Variants in COBL observed in about 807,000 individuals in gnomAD.
COBL encodes protein cordon-bleu.
A neutral mutation model predicts 98.8 loss-of-function variants in COBL; 51 were observed. The ratio of observed to expected loss-of-function variants is 0.52; its 90% CI spans 0.41 to 0.65. COBL has a LOEUF of 0.65. Among genes scored for constraint, COBL ranks in the 30% least tolerant of loss-of-function variants. The probability of loss-of-function intolerance (pLI) is 0.00; values close to 1 mark genes in which losing one functional copy is unlikely to be tolerated. For missense variants in COBL, 1,617 were observed against 1,617.5 expected, an observed-to-expected ratio of 1.00 and a Z score of 0.01; for synonymous variants, 634 against 651.7, an observed-to-expected ratio of 0.97 and a Z score of 0.41.
intron 12 of COBL, 121 bp from the exon 13 acceptor site, chr7:51,017,689 C>T (rs1786407884): frequency 4.8e-6 from 5 of 1,046,082 alleles, no homozygotes; most frequent in Non-Finnish European, 7.4e-6. Flanking sequence ...AACCCCCTTC[C>T]CAGTTCCTTT....
At chr7:51,189,975 C>CT (rs1389101730) in intron 4 of COBL, among the ~76,000 whole-genome samples, 1 of 152,182 alleles carries the variant, frequency 6.6e-6, no homozygotes, top group Non-Finnish European at 1.5e-5. Context: ...ACCAGTGGCT[C>CT]TAACTGTGGC....
intron 5 of COBL, among the ~76,000 whole-genome samples, chr7:51,170,367 T>C (rs1359836809): frequency 6.6e-6 from 1 of 151,792 alleles, no homozygotes; most frequent in African/African-American, 2.4e-5. Context: ...TTACTGTAAT[T>C]ATAAAGGTGC....
chr7:51,253,847 G>A, intron 1 of COBL, among the ~76,000 whole-genome samples: 1 of 152,104 alleles, frequency 6.6e-6, no homozygotes, highest in South Asian at 2.1e-4. Context: ...CTTTATTCTG[G>A]GCAGTTGTGT....
chr7:51,240,488 T>C (rs1408396909), intron 1 of COBL, among the ~76,000 whole-genome samples: 1 of 152,252 alleles, frequency 6.6e-6, no homozygotes, highest in Non-Finnish European at 1.5e-5. Flanking sequence ...AACAAAAGCA[T>C]CTATGATCAG....
At chr7:51,251,527 C>G (rs1796724722) in intron 1 of COBL, among the ~76,000 whole-genome samples, 1 of 152,190 alleles carries the variant, frequency 6.6e-6, no homozygotes, top group Non-Finnish European at 1.5e-5. Flanking sequence ...TTTAGATTTG[C>G]TTAGAATTTA....
chr7:51,086,419 G>A lies in COBL; in HGVS notation c.958-1115C>T, dbSNP rs34239587. ...TGGTGACTATCATATGACAAGAGCT[G>A]TCCTGCTCTCTAGTAGCTCAGAGCC... On this transcript the variant is annotated intron_variant, in intron 6 of 12. Coordinates refer to ENST00000265136, the MANE Select transcript of COBL (RefSeq NM_015198.5). 9.2e-3 allele frequency among the ~76,000 whole-genome samples: 1,360 copies of A among 147,976 alleles called. 9 individuals carry two copies. The highest frequency in any genetic ancestry group is 0.015 in the Non-Finnish European group (1,005 of 67,204).
chr7:51,182,319 T>A (rs1440233331), intron 5 of COBL, among the ~76,000 whole-genome samples: 7 of 151,288 alleles, frequency 4.6e-5, no homozygotes, highest in Admixed American at 4.6e-4. Context: ...TCTCGCTCTG[T>A]CGCCCAGGCT....
chr7:51,193,078 A>C (rs1013469539), intron 3 of COBL, among the ~76,000 whole-genome samples: 29 of 152,366 alleles, frequency 1.9e-4, no homozygotes, highest in Admixed American at 3.3e-4. Context: ...CATATAAGAA[A>C]GTACAGAATT....
intron 1 of COBL, among the ~76,000 whole-genome samples, chr7:51,315,635 T>TC (rs34419024): frequency 0.33 from 50,778 of 152,040 alleles, 9,766 homozygotes; most frequent in South Asian, 0.45. Context: ...AGTTCGAAGG[T>TC]CCCCGGCGCG....
In COBL at chr7:51,029,052, C is replaced by G. The variant is rs754067283; in HGVS notation, c.2044G>C (p.Ala682Pro). The change falls in exon 10 of 13, where the codon GCC (alanine) becomes CCC (proline). Residue 682 changes from alanine (A) to proline (P), a missense_variant. By Grantham distance (27) the Ala-to-Pro change is conservative (BLOSUM62 -1). Around this residue, in one of 3 missense-constraint regions of COBL, gnomAD observed 1,304 missense variants for 1,282.0 expected, o/e 1.02. Transcript: ENST00000265136. ...NEKDSNDKNAALAPTSWHQRG... is the reference protein window; with the variant it reads ...NEKDSNDKNAPLAPTSWHQRG... ...TGGTGCCATGATGTTGGTGCCAAGG[C>G]AGCGTTTTTATCGTTGCTGTCCTTT... 34 of 1,614,072 alleles carry G rather than the reference C, an allele frequency of 2.1e-5. No homozygotes were observed. The East Asian group carries it at 4.0e-4, about 19-fold the overall frequency.
intron 5 of COBL, among the ~76,000 whole-genome samples, chr7:51,158,242 T>C (rs1311375266): frequency 6.6e-6 from 1 of 152,264 alleles, no homozygotes. Context: ...GTTTATTTTA[T>C]TTATTTTACT....
intron 5 of COBL, among the ~76,000 whole-genome samples, chr7:51,149,728 T>C (rs1450233695): frequency 6.6e-6 from 1 of 152,132 alleles, no homozygotes; most frequent in African/African-American, 2.4e-5. Context: ...TGCCTCAGCC[T>C]CTGAGTAGCT....
chr7:51,190,129 A>G (rs1394066588), intron 4 of COBL, among the ~76,000 whole-genome samples: 1 of 152,278 alleles, frequency 6.6e-6, no homozygotes, highest in East Asian at 1.9e-4. Flanking sequence ...CAGCTAAATG[A>G]ATTTCTGCCA....
At chr7:51,263,219 G>C (rs1374570948) in intron 1 of COBL, among the ~76,000 whole-genome samples, 1 of 152,104 alleles carries the variant, frequency 6.6e-6, no homozygotes, top group Non-Finnish European at 1.5e-5. Context: ...ACTGCACTGG[G>C]GAAAGGTGCA....
intron 5 of COBL, among the ~76,000 whole-genome samples, chr7:51,138,433 A>T (rs1799436554): frequency 6.6e-6 from 1 of 152,230 alleles, no homozygotes; most frequent in African/African-American, 2.4e-5. Context: ...AAGCACAGGA[A>T]GCAAACCAGA....
At chr7:51,057,163 T>G (rs1209339241) in intron 7 of COBL, among the ~76,000 whole-genome samples, 1 of 152,216 alleles carries the variant, frequency 6.6e-6, no homozygotes, top group East Asian at 1.9e-4. Context: ...CTTACTGTAC[T>G]TAATAATGGC....
At chr7:51,180,541 T>C (rs1584077269) in intron 5 of COBL, among the ~76,000 whole-genome samples, 1 of 152,358 alleles carries the variant, frequency 6.6e-6, no homozygotes, top group Middle Eastern at 3.4e-3. Flanking sequence ...ATGGCCACTC[T>C]TATTGCTGCA....
intron 5 of COBL, among the ~76,000 whole-genome samples, chr7:51,158,292 AAAGGAGAAGAGACCCTC>A (rs760329914): frequency 2.6e-5 from 4 of 152,204 alleles, no homozygotes; most frequent in Non-Finnish European, 2.9e-5. Context: ...AAAATTTCAA[AAAGGAGAAGAGACCCTC>A]AAGGTGCAGT....
At chr7:51,099,158 T>C (rs1795583775) in intron 6 of COBL, among the ~76,000 whole-genome samples, 1 of 150,564 alleles carries the variant, frequency 6.6e-6, no homozygotes. Flanking sequence ...TTCTTATGCA[T>C]TGTTAGTAGG....
Sources: gnomAD v4.1 joint callset for allele counts (sites outside exome capture counted in the v4.1 genomes callset) on GRCh38, gnomAD v4.1.1 for gene constraint, gnomAD v4.1.1 regional missense constraint, MANE v1.5 for transcripts, NCBI Gene and HGNC (gene_info 2026-07-23, HGNC 2026-07-21) for gene names.